CSMD2: variants seen among roughly 807,000 people sequenced by gnomAD.
CSMD2 encodes CUB and sushi domain-containing protein 2.
Under a neutral mutation model 398.5 loss-of-function variants are expected in CSMD2, and 130 were observed. That is an observed-to-expected ratio of 0.33 (90% CI 0.28 to 0.38). The LOEUF (loss-of-function observed/expected upper bound fraction) is 0.38, where lower values mean the gene tolerates loss of function less well. Ranked by LOEUF, CSMD2 falls within the 10% of genes least tolerant of loss-of-function variation. The pLI is 1.00. For synonymous variants in CSMD2, 1,828 were observed against 1,908.5 expected, an observed-to-expected ratio of 0.96 and a Z score of 1.10; for missense variants, 3,829 against 4,764.9, an observed-to-expected ratio of 0.80 and a Z score of 5.78.
chr1:33,567,998 C>T (rs147091986), intron 52 of CSMD2, among the ~76,000 whole-genome samples, 157 bp from the exon 53 acceptor site: 1 of 152,144 alleles, frequency 6.6e-6, no homozygotes, highest in East Asian at 1.9e-4. Context: ...CAAGGTTGTA[C>T]CCCAAATGGC....
chr1:33,777,648 G>A (rs547910324), intron 12 of CSMD2, among the ~76,000 whole-genome samples: 17 of 152,104 alleles, frequency 1.1e-4, no homozygotes, highest in East Asian at 1.9e-4. Flanking sequence ...ATATAATTCC[G>A]TTTTATGAGT....
At chr1:33,890,512 G>A (rs1641931926) in intron 5 of CSMD2, among the ~76,000 whole-genome samples, 1 of 152,190 alleles carries the variant, frequency 6.6e-6, no homozygotes, top group Non-Finnish European at 1.5e-5. Flanking sequence ...TTACAGGCAT[G>A]AGACACCGTG....
intron 10 of CSMD2, among the ~76,000 whole-genome samples, chr1:33,810,124 C>A (rs1372167717): frequency 1.3e-5 from 2 of 152,000 alleles, no homozygotes; most frequent in Non-Finnish European, 2.9e-5. Context: ...AATAAAGATT[C>A]CAACAGGTTA....
rs372027465 is a variant in CSMD2, at chr1:33,519,570, A to G, written c.10844T>C (p.Ile3615Thr). Residue 3615 changes from isoleucine (I) to threonine (T), a missense_variant, in exon 70 of 71, where the codon ATC becomes ACC. Coordinates refer to ENST00000373381, the MANE Select transcript of CSMD2 (RefSeq NM_001281956.2). The surrounding 1 kb of genome is among the most constrained non-coding windows in gnomAD (Gnocchi z 5.6). ...TGTGAACTCCGCCTCGCTGGCCATG[A>G]TGTCTGTGGGCTGGATGTTGCGGTC... ...MYDRNIQPTD[I>T]MASEAEFTVS... is the part of the protein sequence containing the mutation. The G allele has an allele frequency of 1.2e-6, 2 of 1,613,786 alleles. No individual in the cohort carries two copies. Among genetic ancestry groups the G allele is most frequent in the Non-Finnish European group, 1.7e-6 (2 of 1,179,990 alleles).
rs539615329 is a variant in CSMD2 at position 33,786,571 on chromosome 1, C to A, written c.1663+2029G>T. Reference sequence around the variant, plus strand: ...TCACTAATTGCTTTGCAATTTGCAACATTTCTTATGTTCACATTTCTTAAT... The same window carrying A: ...TCACTAATTGCTTTGCAATTTGCAAAATTTCTTATGTTCACATTTCTTAAT... On this transcript the variant is annotated intron_variant, in intron 12 of 70. Coordinates refer to ENST00000373381, the MANE Select transcript of CSMD2 (RefSeq NM_001281956.2). Among the ~76,000 whole-genome samples the A allele has an allele frequency of 3.2e-4, 49 of 152,338 alleles. No individual in the cohort carries two copies. In the South Asian group the frequency reaches 9.7e-3, roughly 30 times the overall value.
chr1:33,943,021 C>T (rs1341449710), intron 3 of CSMD2, among the ~76,000 whole-genome samples: 1 of 152,148 alleles, frequency 6.6e-6, no homozygotes, highest in Non-Finnish European at 1.5e-5. Flanking sequence ...AGCCAGCATT[C>T]TAGAATGACA....
chr1:33,694,262 G>T (rs1335162676), intron 24 of CSMD2, among the ~76,000 whole-genome samples: 3 of 152,170 alleles, frequency 2.0e-5, no homozygotes, highest in Non-Finnish European at 4.4e-5. Flanking sequence ...GGGGACAACG[G>T]GGAGTGGCTG....
At chr1:34,037,757 T>C (rs376351757) in intron 2 of CSMD2, among the ~76,000 whole-genome samples, 17 of 152,342 alleles carry the variant, frequency 1.1e-4, no homozygotes, top group African/African-American at 3.8e-4. Flanking sequence ...TCTCTGAGAA[T>C]GGCATTCCTC....
chr1:33,645,640 A>G (rs759074376), intron 29 of CSMD2, among the ~76,000 whole-genome samples: 47 of 152,320 alleles, frequency 3.1e-4, no homozygotes, highest in Non-Finnish European at 5.1e-4. Flanking sequence ...TCTTACTACT[A>G]CTAATGATAC....
In CSMD2 at chr1:33,533,758, A is replaced by C. The variant is rs369683748; in HGVS notation, c.9991+38T>G. The stretch of plus-strand genomic sequence containing the variant: ...GACCCAGATGCCCAGCTGGGGCAAG[A>C]GGAATTTTCTTGGGATGTGGGTGAA... On this transcript the variant is annotated intron_variant, in intron 63 of 70. Coordinates refer to ENST00000373381, the MANE Select transcript of CSMD2 (RefSeq NM_001281956.2). The surrounding 1 kb of genome is among the most constrained non-coding windows in gnomAD (Gnocchi z 4.2). 2.9e-6 allele frequency: 4 copies of C among 1,375,616 alleles called. No individual in the cohort carries two copies. Among genetic ancestry groups the C allele is most frequent in the African/African-American group, 2.8e-5 (2 of 70,220 alleles). The allele number at this position is 1,375,616 out of a possible 1,614,324, so 85.2% of individuals were successfully genotyped here.
chr1:33,827,810 A>C (rs1203394096), intron 6 of CSMD2, among the ~76,000 whole-genome samples: 1 of 152,228 alleles, frequency 6.6e-6, no homozygotes, highest in African/African-American at 2.4e-5. Flanking sequence ...CACAGCCAGG[A>C]AACAGCTGTG....
intron 19 of CSMD2, among the ~76,000 whole-genome samples, chr1:33,722,310 C>A (rs1646382817): frequency 6.6e-6 from 1 of 152,186 alleles, no homozygotes; most frequent in African/African-American, 2.4e-5. Context: ...ATACCAAAAT[C>A]TGCAGATTCC....
intron 3 of CSMD2, among the ~76,000 whole-genome samples, chr1:33,967,273 G>C (rs1456266656): frequency 3.3e-5 from 5 of 150,302 alleles, no homozygotes; most frequent in Admixed American, 6.6e-5. Context: ...TTTTTAAAGC[G>C]GGGGGTGGGG....
chr1:33,705,081 T>C (rs1453422404), intron 22 of CSMD2, among the ~76,000 whole-genome samples: 1 of 152,080 alleles, frequency 6.6e-6, no homozygotes, highest in East Asian at 1.9e-4. Flanking sequence ...GCCCTAATAG[T>C]TTCTGATTTC....
At chr1:33,871,443 A>G (rs953714240) in intron 5 of CSMD2, among the ~76,000 whole-genome samples, 2 of 152,198 alleles carry the variant, frequency 1.3e-5, no homozygotes, top group African/African-American at 4.8e-5. Context: ...ATTGCCTGTA[A>G]CAGAATATCT....
chr1:33,905,939 G>A (rs1643061536), intron 5 of CSMD2, among the ~76,000 whole-genome samples: 1 of 152,198 alleles, frequency 6.6e-6, no homozygotes, highest in South Asian at 2.1e-4. Context: ...AATGAAATAT[G>A]AGTTGGAAAT....
intron 8 of CSMD2, 81 bp from the exon 9 acceptor site, chr1:33,819,918 A>C: frequency 3.8e-6 from 6 of 1,569,046 alleles, no homozygotes; most frequent in Non-Finnish European, 5.2e-6. Flanking sequence ...TCCACAAAGA[A>C]GCCGCACATG....
intron 1 of CSMD2, among the ~76,000 whole-genome samples, chr1:34,144,246 A>G (rs1336842050): frequency 1.3e-5 from 2 of 152,166 alleles, no homozygotes; most frequent in Non-Finnish European, 2.9e-5. Flanking sequence ...CAACCAGCTC[A>G]GGTCCAGATT....
chr1:34,135,488 C>T (rs546753397), intron 1 of CSMD2, among the ~76,000 whole-genome samples: 30 of 151,860 alleles, frequency 2.0e-4, no homozygotes, highest in African/African-American at 6.3e-4. Flanking sequence ...TGTGGTGGCA[C>T]TTGCCTGTAG....
Sources: gnomAD v4.1 joint callset for allele counts (sites outside exome capture counted in the v4.1 genomes callset) on GRCh38, gnomAD v4.1.1 for gene constraint, Gnocchi (gnomAD v3.1) non-coding constraint, MANE v1.5 for transcripts, NCBI Gene and HGNC (gene_info 2026-07-23, HGNC 2026-07-21) for gene names.